Variants in NBDY observed in about 807,000 individuals in gnomAD.
NBDY encodes negative regulator of P-body association, also known as P-body dissociating protein.
intron 2 of NBDY, among the ~76,000 whole-genome samples, chrX:56,802,306 G>A (rs549594941): frequency 4.5e-5 from 5 of 112,206 alleles, no homozygotes; most frequent in South Asian, 3.7e-4. Context: ...TGCTTAAAAA[G>A]GGACCACACC....
intron 2 of NBDY, among the ~76,000 whole-genome samples, chrX:56,764,312 G>A (rs1179807057): frequency 8.9e-6 from 1 of 111,942 alleles, no homozygotes; most frequent in Non-Finnish European, 1.9e-5. Flanking sequence ...AGAGTAAACG[G>A]CCCCCGTCTC....
At chrX:56,816,557 T>C (rs1295995388) in intron 2 of NBDY, among the ~76,000 whole-genome samples, 1 of 111,380 alleles carries the variant, frequency 9.0e-6, no homozygotes, top group Admixed American at 9.6e-5. Flanking sequence ...CACGATGCAA[T>C]ATTTTGAAGC....
At chrX:56,733,719 C>G (rs1374086510) in intron 2 of NBDY, among the ~76,000 whole-genome samples, 2 of 112,151 alleles carry the variant, frequency 1.8e-5, no homozygotes, top group Non-Finnish European at 3.8e-5. Flanking sequence ...AGCAATGTGT[C>G]TTGTTCACTT....
intron 2 of NBDY, among the ~76,000 whole-genome samples, chrX:56,813,016 A>G (rs1399517257): frequency 9.1e-6 from 1 of 110,257 alleles, no homozygotes; most frequent in African/African-American, 3.3e-5. Flanking sequence ...CAGGGTGGGG[A>G]ACATCACACA....
intron 2 of NBDY, among the ~76,000 whole-genome samples, chrX:56,803,867 C>T (rs2146739258): frequency 8.9e-6 from 1 of 112,339 alleles, no homozygotes; most frequent in East Asian, 2.8e-4. Flanking sequence ...GCGCTCACCT[C>T]ATCTACAGCA....
At chrX:56,760,387 C>G (rs1156682894) in intron 2 of NBDY, among the ~76,000 whole-genome samples, 1 of 69,570 alleles carries the variant, frequency 1.4e-5, no homozygotes, top group Non-Finnish European at 4.0e-5. Flanking sequence ...AAACAAAGAC[C>G]AGAAAACAGA....
At chrX:56,797,720 A>G (rs1260669155) in intron 2 of NBDY, among the ~76,000 whole-genome samples, 1 of 110,875 alleles carries the variant, frequency 9.0e-6, no homozygotes, top group Middle Eastern at 4.2e-3. Flanking sequence ...ACAAAACGAT[A>G]CGGATTTCAG....
chrX:56,790,858 C>T (rs1236694764), intron 2 of NBDY, among the ~76,000 whole-genome samples: 4 of 112,469 alleles, frequency 3.6e-5, no homozygotes, highest in East Asian at 2.8e-4. Context: ...CCTTTCTTGT[C>T]GCTTTCTGCC....
At chrX:56,814,420 A>G (rs1224156289) in intron 2 of NBDY, among the ~76,000 whole-genome samples, 1 of 109,832 alleles carries the variant, frequency 9.1e-6, no homozygotes, top group Admixed American at 9.8e-5. Flanking sequence ...TTTTAAGAAG[A>G]TCATTTCTCT....
intron 2 of NBDY, among the ~76,000 whole-genome samples, chrX:56,736,672 G>C (rs2069495773): frequency 8.9e-6 from 1 of 112,733 alleles, no homozygotes; most frequent in Admixed American, 9.3e-5. Flanking sequence ...AAGTGGAAAA[G>C]TCACTGGGAT....
chrX:56,742,667 G>GT (rs1176446700), intron 2 of NBDY, among the ~76,000 whole-genome samples: 1 of 111,681 alleles, frequency 9.0e-6, no homozygotes, highest in African/African-American at 3.2e-5. Flanking sequence ...ACTGATTTTC[G>GT]TATGTTGATT....
At chrX:56,810,231 G>T (rs962551818) in intron 2 of NBDY, among the ~76,000 whole-genome samples, 2 of 110,986 alleles carry the variant, frequency 1.8e-5, no homozygotes, top group African/African-American at 6.6e-5. Flanking sequence ...GTGTCTTGGG[G>T]TTGCTCTTCT....
intron 2 of NBDY, among the ~76,000 whole-genome samples, chrX:56,803,158 G>A (rs758503724): frequency 4.5e-5 from 5 of 110,982 alleles, no homozygotes; most frequent in Non-Finnish European, 7.6e-5. Context: ...AGCTGGACGA[G>A]AGAGGAACTC....
chrX:56,789,343 T>G (rs1291355213), intron 2 of NBDY, among the ~76,000 whole-genome samples: 1 of 111,370 alleles, frequency 9.0e-6, no homozygotes, highest in Non-Finnish European at 1.9e-5. Flanking sequence ...TAGGGCTGTG[T>G]CATGGTGGGG....
chrX:56,811,723 G>A (rs986659491), intron 2 of NBDY, among the ~76,000 whole-genome samples: 3 of 112,061 alleles, frequency 2.7e-5, no homozygotes, highest in African/African-American at 3.2e-5. Context: ...GAGCCAGACC[G>A]GTTGGCCCCC....
At chrX:56,735,115 C>T (rs1325923079) in intron 2 of NBDY, among the ~76,000 whole-genome samples, 1 of 112,033 alleles carries the variant, frequency 8.9e-6, no homozygotes, top group Non-Finnish European at 1.9e-5. Context: ...TCACACAGGA[C>T]AGCTTTTGAT....
At chrX:56,730,898 T>A (rs932470537) in intron 1 of NBDY, among the ~76,000 whole-genome samples, 2 of 111,760 alleles carry the variant, frequency 1.8e-5, no homozygotes, top group Non-Finnish European at 3.8e-5. Context: ...ATCCTTTTAA[T>A]TCAAAGGAGA....
At chrX:56,742,408 G>T (rs1312486872) in intron 2 of NBDY, among the ~76,000 whole-genome samples, 1 of 111,123 alleles carries the variant, frequency 9.0e-6, no homozygotes, top group Non-Finnish European at 1.9e-5. Flanking sequence ...TGAACCTGTA[G>T]ATTGCTTTTT....
chrX:56,786,646 TTC>T (rs2069730349), intron 2 of NBDY, among the ~76,000 whole-genome samples: 1 of 108,250 alleles, frequency 9.2e-6, no homozygotes, highest in Non-Finnish European at 1.9e-5. Context: ...CTTCTTCTTT[TTC>T]TTCTTCTTCT....
Sources: allele counts gnomAD v4.1 joint callset (sites outside exome capture counted in the v4.1 genomes callset), GRCh38; gene constraint gnomAD v4.1.1; transcripts MANE v1.5; gene names NCBI Gene and HGNC (gene_info 2026-07-23, HGNC 2026-07-21).